HERC3: variants seen among roughly 807,000 people sequenced by gnomAD.
HERC3 encodes the protein HECT and RLD domain containing E3 ubiquitin protein ligase 3.
In HERC3, 58 loss-of-function variants were observed where a neutral mutation model predicts 129.9. The observed-to-expected ratio is 0.45, with a 90% CI of 0.36 to 0.56. The LOEUF (loss-of-function observed/expected upper bound fraction) is 0.56. HERC3 is among the 20% of genes least tolerant of loss of function. The pLI, the probability that HERC3 is intolerant of heterozygous loss-of-function variation, is 0.00. For missense variants in HERC3, 835 were observed against 1,244.2 expected (o/e 0.67, Z 4.95); for synonymous variants, 430 against 451.0 (o/e 0.95, Z 0.59).
At chr4:88,617,175 CAAAAAAAAAAAAA>C (rs1162260456) in intron 3 of HERC3, among the ~76,000 whole-genome samples, 1 of 31,860 alleles carries the variant, frequency 3.1e-5, no homozygotes, top group Non-Finnish European at 6.7e-5. Flanking sequence ...ACCCTGTCTC[CAAAAAAAAAAAAA>C]AAAAAAAAAA....
intron 3 of HERC3, among the ~76,000 whole-genome samples, chr4:88,634,866 T>A (rs1282089174): frequency 6.6e-6 from 1 of 152,014 alleles, no homozygotes; most frequent in Non-Finnish European, 1.5e-5. Flanking sequence ...GTGAACCAGA[T>A]GAATAGGGCT....
At chr4:88,704,038 G>A (rs1269052158) in intron 23 of HERC3, 60 bp from the exon 24 acceptor site, 1 of 1,462,184 alleles carries the variant, frequency 6.8e-7, no homozygotes, top group South Asian at 1.2e-5. Flanking sequence ...GTGTAGAAGG[G>A]TAACTTCATA....
chr4:88,682,213 C>G (rs1732856687), intron 21 of HERC3, among the ~76,000 whole-genome samples: 1 of 152,116 alleles, frequency 6.6e-6, no homozygotes. Context: ...TGGTATATGC[C>G]TAGGAGTAGA....
chr4:88,705,622 A>G (rs1178973029), intron 25 of HERC3, among the ~76,000 whole-genome samples: 1 of 152,228 alleles, frequency 6.6e-6, no homozygotes, highest in Non-Finnish European at 1.5e-5. Context: ...TTTGGAAAGG[A>G]GAATGAATTC....
At chr4:88,646,581 A>T (rs1243703414) in intron 3 of HERC3, among the ~76,000 whole-genome samples, 2 of 152,186 alleles carry the variant, frequency 1.3e-5, no homozygotes, top group South Asian at 2.1e-4. Context: ...TTCCATCATC[A>T]TCTGCAAAAT....
At chr4:88,585,518 CTTTTTT>C in the HERC3 span, among the ~76,000 whole-genome samples, 1 of 122,816 alleles carries the variant, frequency 8.1e-6, no homozygotes. Flanking sequence ...TGATACTTTG[CTTTTTT>C]TTTTTTTTTT....
intron 2 of HERC3, 117 bp from the exon 3 acceptor site, chr4:88,605,678 G>A (rs1339147879): frequency 3.4e-6 from 2 of 583,634 alleles, no homozygotes; most frequent in Non-Finnish European, 6.0e-6. Flanking sequence ...TGAGTTGTAA[G>A]ATATCTGAAG....
intron 25 of HERC3, among the ~76,000 whole-genome samples, chr4:88,706,067 A>G (rs1477158103): frequency 2.0e-5 from 3 of 152,254 alleles, no homozygotes; most frequent in East Asian, 1.9e-4. Context: ...TCTGTTCATT[A>G]GACTTACAGA....
intron 3 of HERC3, among the ~76,000 whole-genome samples, chr4:88,640,266 G>C (rs962981581): frequency 2.0e-5 from 3 of 152,228 alleles, no homozygotes; most frequent in South Asian, 2.1e-4. Context: ...TAAAAAGACA[G>C]ATGCACACAT....
chr4:88,611,148 A>C (rs1005707477), intron 3 of HERC3, among the ~76,000 whole-genome samples: 1 of 152,266 alleles, frequency 6.6e-6, no homozygotes, highest in Non-Finnish European at 1.5e-5. Context: ...TTGTCTGTTA[A>C]TTATAAACTC....
intron 23 of HERC3, chr4:88,690,081 A>G (rs1355013325): frequency 1.0e-6 from 1 of 985,270 alleles, no homozygotes; most frequent in East Asian, 1.1e-4. Context: ...TGATGGAATT[A>G]TCTTGGCTCT....
intron 3 of HERC3, among the ~76,000 whole-genome samples, chr4:88,628,195 A>G (rs147584815): frequency 2.2e-4 from 34 of 152,288 alleles, no homozygotes; most frequent in African/African-American, 6.5e-4. Context: ...TTTTGGCTCT[A>G]TAAGTTTTTG....
Position 88,687,311 on chromosome 4 carries a change from C to A in HERC3, c.2657+12C>A. The A allele has an allele frequency of 1.3e-6, 2 of 1,564,932 alleles. No individual in the cohort carries two copies. The highest frequency in any genetic ancestry group is 1.7e-6 in the Non-Finnish European group (2 of 1,143,816). The stretch of plus-strand genomic sequence containing the variant: ...TGCAAGGATAACAGGTTAGTCCTGA[C>A]CTTGGACTGTTGCAGATACTGCTAC... On this transcript the variant is annotated intron_variant, in intron 23 of 25. Coordinates refer to ENST00000402738, the MANE Select transcript of HERC3 (RefSeq NM_014606.3).
the HERC3 span, among the ~76,000 whole-genome samples, chr4:88,552,699 A>G: frequency 6.6e-6 from 1 of 152,234 alleles, no homozygotes; most frequent in Non-Finnish European, 1.5e-5. Context: ...TTAATACACA[A>G]CAGCATAATA....
chr4:88,662,240 A>C (rs1188078073), intron 10 of HERC3, among the ~76,000 whole-genome samples, 191 bp from the exon 11 acceptor site: 1 of 152,182 alleles, frequency 6.6e-6, no homozygotes, highest in Non-Finnish European at 1.5e-5. Context: ...GTCAATGCCA[A>C]GTCCTGGACA....
At chr4:88,684,081 G>A (rs996854048) in intron 21 of HERC3, among the ~76,000 whole-genome samples, 6 of 152,102 alleles carry the variant, frequency 3.9e-5, no homozygotes, top group African/African-American at 1.4e-4. Flanking sequence ...TTCCCATCAA[G>A]CTACCATTGA....
At chr4:88,675,038 T>C (rs572795872) in intron 16 of HERC3, among the ~76,000 whole-genome samples, 1 of 152,280 alleles carries the variant, frequency 6.6e-6, no homozygotes, top group Non-Finnish European at 1.5e-5. Context: ...CAAACAAAAC[T>C]CTAACAGCAA....
rs760154669 is a variant in HERC3 at position 88,654,069 on chromosome 4, T to C, written c.713T>C (p.Leu238Pro). 2 of 1,612,986 alleles carry C rather than the reference T, an allele frequency of 1.2e-6. No individual in the cohort carries two copies. Among genetic ancestry groups the C allele is most frequent in the Admixed American group, 1.7e-5 (1 of 59,988 alleles). Residue 238 changes from leucine to proline, a missense_variant, in exon 7 of 26, where the codon CTC (leucine) becomes CCC (proline). By Grantham distance (98) the Leu-to-Pro change is moderately conservative. Transcript: ENST00000402738. ...CGAGAATCTCCATGCCATGTAAAACTCTTACGCACGCAAAAAGTTGTCTAT... is the reference window on the plus strand; with the variant it reads ...CGAGAATCTCCATGCCATGTAAAACCCTTACGCACGCAAAAAGTTGTCTAT... ...KDRESPCHVK[L>P]LRTQKVVYIS...
chr4:88,684,737 A>G (rs185307637), intron 21 of HERC3: 1 of 152,354 alleles, frequency 6.6e-6, no homozygotes, highest in African/African-American at 2.4e-5. Context: ...ACAAAGGTCT[A>G]ATATCCAGAA....
Sources: allele counts gnomAD v4.1 joint callset (sites outside exome capture counted in the v4.1 genomes callset), GRCh38; gene constraint gnomAD v4.1.1; transcripts MANE v1.5; gene names NCBI Gene and HGNC (gene_info 2026-07-23, HGNC 2026-07-21).